RBM5: variants seen among roughly 807,000 people sequenced by gnomAD.
RBM5 encodes the protein RNA-binding protein 5.
A neutral mutation model predicts 124.6 loss-of-function variants in RBM5; 15 were observed. That is an observed-to-expected ratio of 0.12 (90% confidence interval 0.08 to 0.19). The LOEUF (loss-of-function observed/expected upper bound fraction) is 0.19. RBM5 is among the 10% of genes least tolerant of loss of function. The pLI is 1.00. For missense variants in RBM5, 580 were observed against 1,026.5 expected, an observed-to-expected ratio of 0.57 and a Z score of 5.94; for synonymous variants, 337 against 361.2, an observed-to-expected ratio of 0.93 and a Z score of 0.76.
chr3:50,108,177 T>G, intron 13 of RBM5, 30 bp downstream of exon 13: 1 of 1,601,792 alleles, frequency 6.2e-7, no homozygotes, highest in Non-Finnish European at 8.6e-7. Context: ...ATCCACCTTA[T>G]AGTCTTGCAG....
rs151182806 is a variant in RBM5, at chr3:50,110,421, C to A, written c.1321C>A (p.Pro441Thr). Residue 441 changes from proline (P) to threonine (T), a missense_variant, in exon 16 of 25, where the codon CCA becomes ACA. Around this residue, in one of 6 missense-constraint regions of RBM5, gnomAD observed 104 missense variants for 128.7 expected, o/e 0.81. Transcript: ENST00000347869. ...QPSTSTSTQA[P>T]AASPTGVVPG... ...TAGCACTAGCACAAGTACACAGGCC[C>A]CAGCCGCTTCCCCTACTGGTGTAGT... is the stretch of plus-strand genomic sequence containing the variant. The A allele has an allele frequency of 6.2e-7, 1 of 1,614,162 alleles. No homozygotes were observed. Among genetic ancestry groups the A allele is most frequent in the African/African-American group, 1.3e-5 (1 of 75,038 alleles).
At chr3:50,095,393 G>A (rs2090792467) in intron 4 of RBM5, among the ~76,000 whole-genome samples, 1 of 151,950 alleles carries the variant, frequency 6.6e-6, no homozygotes, top group East Asian at 1.9e-4. Flanking sequence ...TTATAATCTG[G>A]CCACCCTTTT....
At chr3:50,110,807 G>C in intron 17 of RBM5, 37 bp downstream of exon 17, 1 of 1,523,344 alleles carries the variant, frequency 6.6e-7, no homozygotes, top group Non-Finnish European at 9.1e-7. Context: ...TTCACTAGAA[G>C]TAGTTTCGCT....
At chr3:50,104,193 C>G (rs1438441483) in intron 7 of RBM5, 55 bp from the exon 8 acceptor site, 4 of 1,501,458 alleles carry the variant, frequency 2.7e-6, no homozygotes, top group East Asian at 4.6e-5. Context: ...GTTATTGTTA[C>G]TAGAAAGCCT....
At position 50,090,456 on chromosome 3, in the gene RBM5, G is replaced by A; in HGVS notation, c.17+5G>A. The A allele has an allele frequency of 6.2e-7, 1 of 1,613,978 alleles. No individual in the cohort carries two copies. Among genetic ancestry groups the A allele is most frequent in the Non-Finnish European group, 8.5e-7 (1 of 1,179,928 alleles). Reference sequence around the variant, plus strand: ...GACAATGGGTTCAGACAAAAGGTAAGTTACTACAGTACGTGGCTTTGATCT... The same window carrying A: ...GACAATGGGTTCAGACAAAAGGTAAATTACTACAGTACGTGGCTTTGATCT... On this transcript the variant is annotated splice_donor_5th_base_variant and intron_variant, in intron 2 of 24. Transcript: ENST00000347869.
chr3:50,110,173 T>C (rs2091116889), intron 15 of RBM5, among the ~76,000 whole-genome samples: 1 of 152,212 alleles, frequency 6.6e-6, no homozygotes, highest in East Asian at 1.9e-4. Context: ...ATTGCGCCAC[T>C]GCAGTCCAGT....
At chr3:50,118,309 G>T in intron 24 of RBM5, 22 bp from the exon 25 acceptor site, 1 of 1,613,730 alleles carries the variant, frequency 6.2e-7, no homozygotes, top group Non-Finnish European at 8.5e-7. Context: ...CCTCCCAGCT[G>T]ACAGTCTCTG....
At chr3:50,108,791 T>C (rs1022674798) in intron 14 of RBM5, among the ~76,000 whole-genome samples, 1 of 152,206 alleles carries the variant, frequency 6.6e-6, no homozygotes, top group Non-Finnish European at 1.5e-5. Flanking sequence ...CGGTTATTTG[T>C]GTACACCAGG....
Position 50,103,756 on chromosome 3 carries a change from C to T in RBM5, c.568-492C>T, listed in dbSNP as rs76660425. ...GAATTCTAGAGCTCTCAGTTTTTGG[C>T]GTAGTCTCTTAACTGTATTAACCAA... On this transcript the variant is annotated intron_variant, in intron 7 of 24. Coordinates refer to ENST00000347869, the MANE Select transcript of RBM5 (RefSeq NM_005778.4). Among the ~76,000 whole-genome samples the T allele has an allele frequency of 5.4e-3, 826 of 152,248 alleles. 7 individuals are homozygous for T. The highest frequency in any genetic ancestry group is 0.019 in the African/African-American group (775 of 41,548).
chr3:50,092,025 A>T lies in RBM5; in HGVS notation c.18-18A>T. 1 of 1,613,172 alleles carries T rather than the reference A, an allele frequency of 6.2e-7. No homozygotes were observed. The highest frequency in any genetic ancestry group is 1.7e-5 in the Admixed American group (1 of 59,998). ...AAAATGTGACTGACTTTAGAATGAAAATTATTTTCCCTGGCAGAGTGAGTA... is the reference window on the plus strand; with the variant it reads ...AAAATGTGACTGACTTTAGAATGAATATTATTTTCCCTGGCAGAGTGAGTA... On this transcript the variant is annotated intron_variant, in intron 2 of 24. Transcript: ENST00000347869.
chr3:50,100,119 A>G lies in RBM5; in HGVS notation c.409+68A>G, dbSNP rs755322309. The G allele has an allele frequency of 7.3e-6, 10 of 1,377,182 alleles. No individual in the cohort carries two copies. The highest frequency in any genetic ancestry group is 1.4e-5 in the African/African-American group (1 of 70,234). 85.3% of individuals were successfully genotyped at this position (1,377,182 alleles called of 1,614,324 possible). ...ATTCCCACCTCAGTCCCTAAAGAAC[A>G]TCCTGATTCCCCCAGTCTTCAAGCA... On this transcript the variant is annotated intron_variant, in intron 5 of 24. Coordinates refer to ENST00000347869, the MANE Select transcript of RBM5 (RefSeq NM_005778.4). The surrounding 1 kb of genome is among the most constrained non-coding windows in gnomAD (Gnocchi z 5.1).
intron 21 of RBM5, 39 bp from the exon 22 acceptor site, chr3:50,115,867 G>A (rs749136956): frequency 6.5e-7 from 1 of 1,546,770 alleles, no homozygotes; most frequent in South Asian, 1.1e-5. Flanking sequence ...AATTAAGATG[G>A]TCTGAGTCCT....
chr3:50,100,047 A>G lies in RBM5; in HGVS notation c.405A>G (p.Lys135=), dbSNP rs1163122319. ...CGGATGTGAGGCTGATGAAGAGGAA[A>G]ACAGGTGAGAGCTTGCTTAGTTCCT... The part of the protein sequence containing the change: ...QPADVRLMKR[K]TGVSRGFAFV... Residue 135 remains lysine, a synonymous_variant, in exon 5 of 25, where the codon AAA becomes AAG. Transcript: ENST00000347869. The surrounding 1 kb of genome is among the most constrained non-coding windows in gnomAD (Gnocchi z 5.1). The G allele has an allele frequency of 6.2e-7, 1 of 1,613,790 alleles. No individual in the cohort carries two copies. Among genetic ancestry groups the G allele is most frequent in the Admixed American group, 1.7e-5 (1 of 59,980 alleles).
intron 22 of RBM5, 83 bp from the exon 23 acceptor site, chr3:50,116,988 TGAG>T (rs2091265317): frequency 8.1e-7 from 1 of 1,230,950 alleles, no homozygotes; most frequent in African/African-American, 1.5e-5. Flanking sequence ...TAAAAATACT[TGAG>T]GGGATAGTTT....
intron 14 of RBM5, 49 bp downstream of exon 14, chr3:50,108,353 G>C: frequency 6.8e-7 from 1 of 1,467,452 alleles, no homozygotes; most frequent in East Asian, 2.3e-5. Context: ...ACTTACAGTT[G>C]AAGAAATATG....
At chr3:50,107,624 C>CA (rs1001262694) in intron 12 of RBM5, 55 bp downstream of exon 12, 1 of 1,141,990 alleles carries the variant, frequency 8.8e-7, no homozygotes, top group Non-Finnish European at 1.3e-6. Flanking sequence ...CCCAGATTCA[C>CA]AGACGTGACC....
intron 10 of RBM5, among the ~76,000 whole-genome samples, chr3:50,106,094 A>C (rs754016364): frequency 3.0e-5 from 4 of 133,662 alleles, no homozygotes; most frequent in Non-Finnish European, 6.2e-5. Flanking sequence ...CTGGGATTAC[A>C]GGTGCCCGCC....
intron 12 of RBM5, 93 bp downstream of exon 12, chr3:50,107,662 CT>C: frequency 5.8e-6 from 1 of 171,154 alleles, no homozygotes; most frequent in Non-Finnish European, 1.1e-5. Flanking sequence ...AGTATGAGCT[CT>C]TTTCTTTTCT....
At position 50,118,167 on chromosome 3, in the gene RBM5, C is replaced by G. The variant is rs895086437; in HGVS notation, c.2323-164C>G. 9.4e-6 allele frequency: 9 copies of G among 960,864 alleles called. No individual in the cohort carries two copies. In the African/African-American group the frequency reaches 1.2e-4, roughly 12 times the overall value. The allele number at this position is 960,864 out of a possible 1,614,324, so 59.5% of individuals were successfully genotyped here. A position where few individuals can be genotyped will look rare whatever the true frequency, so the allele number is the denominator to read the frequency against. The stretch of plus-strand genomic sequence containing the variant: ...CGTAGCCCATTTTATTCCTCCAGTC[C>G]TTATACTTGCTCCTGGTCTCTTCTG... On this transcript the variant is annotated intron_variant, in intron 24 of 24. Transcript: ENST00000347869.
Sources: allele counts gnomAD v4.1 joint callset (sites outside exome capture counted in the v4.1 genomes callset), GRCh38; gene constraint gnomAD v4.1.1; regional missense constraint gnomAD v4.1.1; non-coding constraint Gnocchi (gnomAD v3.1); transcripts MANE v1.5; gene names NCBI Gene and HGNC (gene_info 2026-07-23, HGNC 2026-07-21).